ANKRD50: variants seen among roughly 807,000 people sequenced by gnomAD.
The protein encoded by ANKRD50 is ankyrin repeat domain-containing protein 50.
A neutral mutation model predicts 112.0 loss-of-function variants in ANKRD50; 40 were observed. That is an observed-to-expected ratio of 0.36 (90% CI 0.28 to 0.46). The LOEUF (loss-of-function observed/expected upper bound fraction) is 0.46. Among genes scored for constraint, ANKRD50 ranks in the 20% least tolerant of loss-of-function variants. The pLI, the probability that ANKRD50 is intolerant of heterozygous loss-of-function variation, is 1.00. For synonymous variants in ANKRD50, 613 were observed against 619.1 expected (o/e 0.99, Z 0.15); for missense variants, 1,487 against 1,701.7 (o/e 0.87, Z 2.22).
intron 2 of ANKRD50, among the ~76,000 whole-genome samples, chr4:124,688,785 T>A (rs1054736134): frequency 6.6e-6 from 1 of 152,176 alleles, no homozygotes; most frequent in Non-Finnish European, 1.5e-5. Context: ...AATCAAACTA[T>A]AGGATTCTGT....
In ANKRD50 at chr4:124,671,379, G is replaced by T. The variant is rs990430487; in HGVS notation, c.1898C>A (p.Ala633Asp). 2 of 1,613,698 alleles carry T rather than the reference G, an allele frequency of 1.2e-6. No individual in the cohort carries two copies. Among genetic ancestry groups the T allele is most frequent in the Non-Finnish European group, 1.7e-6 (2 of 1,179,858 alleles). The change falls in exon 4 of 5, where the codon GCT (alanine) becomes GAT (aspartate). Residue 633 changes from alanine to aspartate, a missense_variant. By Grantham distance (126) the Ala-to-Asp change is moderately radical (BLOSUM62 -2). Transcript: ENST00000504087. The part of the protein sequence containing the change: ...HTEVVSALLY[A>D]GVKVDCADAD... ...ATCTGCACAATCCACTTTTACGCCAGCATAAAGTAGTGCAGAAACTACCTC... is the reference window on the plus strand; with the variant it reads ...ATCTGCACAATCCACTTTTACGCCATCATAAAGTAGTGCAGAAACTACCTC...
In ANKRD50 at chr4:124,672,061, G is replaced by T; in HGVS notation, c.1216C>A (p.Leu406Met). The T allele has an allele frequency of 6.2e-7, 1 of 1,613,826 alleles. No homozygotes were observed. Among genetic ancestry groups the T allele is most frequent in the Non-Finnish European group, 8.5e-7 (1 of 1,179,854 alleles). ...LVDGLGNTKI[L>M]FHYSFAEWLL... ...CACTCGGCAAAACTATAATGAAACAGTATTTTTGTATTTCCTAGTCCATCA... is the reference window on the plus strand; with the variant it reads ...CACTCGGCAAAACTATAATGAAACATTATTTTTGTATTTCCTAGTCCATCA... The change falls in exon 4 of 5, where the codon CTG (leucine) becomes ATG (methionine). Residue 406 changes from leucine to methionine, a missense_variant. Transcript: ENST00000504087.
intron 2 of ANKRD50, among the ~76,000 whole-genome samples, chr4:124,688,964 A>G (rs1414273975): frequency 6.6e-6 from 1 of 152,140 alleles, no homozygotes; most frequent in Non-Finnish European, 1.5e-5. Flanking sequence ...AGATCAGCTC[A>G]AATATCACTA....
intron 2 of ANKRD50, among the ~76,000 whole-genome samples, chr4:124,683,384 G>T (rs142481484): frequency 6.6e-6 from 1 of 151,868 alleles, no homozygotes; most frequent in East Asian, 1.9e-4. Flanking sequence ...AATCTGTAAT[G>T]ATCAAATCAG....
chr4:124,704,810 C>T (rs1404082346), intron 2 of ANKRD50, among the ~76,000 whole-genome samples: 2 of 152,044 alleles, frequency 1.3e-5, no homozygotes, highest in Non-Finnish European at 2.9e-5. Context: ...ATAACTACAA[C>T]ACGGCTGGGC....
chr4:124,664,953 T>C lies in ANKRD50; in HGVS notation c.*2565A>G, dbSNP rs541065407. The C allele has an allele frequency of 1.3e-5, 2 of 151,920 alleles. No homozygotes were observed. The highest frequency in any genetic ancestry group is 2.9e-5 in the Non-Finnish European group (2 of 67,880). 9.4% of individuals were successfully genotyped at this position (151,920 alleles called of 1,614,324 possible). A position where few individuals can be genotyped will look rare whatever the true frequency, so the allele number is the denominator to read the frequency against. On this transcript the variant is annotated 3_prime_UTR_variant, in exon 5 of 5. Coordinates refer to ENST00000504087, the MANE Select transcript of ANKRD50 (RefSeq NM_020337.3). ...TTATAAACTCATGATATTTAGGGAA[T>C]AGACACAGACGGAATGTTATAAAAA...
At chr4:124,688,629 A>C (rs1427124006) in intron 2 of ANKRD50, among the ~76,000 whole-genome samples, 1 of 152,144 alleles carries the variant, frequency 6.6e-6, no homozygotes, top group African/African-American at 2.4e-5. Flanking sequence ...TATGTCCTCC[A>C]TATGTGCAAT....
At chr4:124,701,450 T>C (rs910093951) in intron 2 of ANKRD50, among the ~76,000 whole-genome samples, 2 of 152,234 alleles carry the variant, frequency 1.3e-5, no homozygotes, top group Non-Finnish European at 2.9e-5. Flanking sequence ...TTCTTCTTAA[T>C]ACTTAGCTTT....
In ANKRD50 at chr4:124,666,084, A is replaced by T. The variant is rs960143907; in HGVS notation, c.*1434T>A. 1.3e-5 allele frequency: 2 copies of T among 152,122 alleles called. No homozygotes were observed. Among genetic ancestry groups the T allele is most frequent in the African/African-American group, 4.8e-5 (2 of 41,416 alleles). The allele number at this position is 152,122 out of a possible 1,614,324, so 9.4% of individuals were successfully genotyped here. A position where few individuals can be genotyped will look rare whatever the true frequency, so the allele number is the denominator to read the frequency against. ...GAAAAGAACAGAATTTCTGGGTTCT[A>T]TAAGATTAACAGGCCCATTCTAAGA... is the stretch of plus-strand genomic sequence containing the variant. On this transcript the variant is annotated 3_prime_UTR_variant, in exon 5 of 5. Coordinates refer to ENST00000504087, the MANE Select transcript of ANKRD50 (RefSeq NM_020337.3).
In ANKRD50 at chr4:124,665,028, T is replaced by C. The variant is rs980543786; in HGVS notation, c.*2490A>G. On this transcript the variant is annotated 3_prime_UTR_variant, in exon 5 of 5. Coordinates refer to ENST00000504087, the MANE Select transcript of ANKRD50 (RefSeq NM_020337.3). ...TTGTGTAGTGGCAACAGCTGATTTA[T>C]AAAATTTAAAGATTTTAATTTCAAA... is the stretch of plus-strand genomic sequence containing the variant. 4 of 151,958 alleles carry C rather than the reference T, an allele frequency of 2.6e-5. No individual in the cohort carries two copies. Among genetic ancestry groups the C allele is most frequent in the African/African-American group, 9.7e-5 (4 of 41,428 alleles). 9.4% of individuals were successfully genotyped at this position (151,958 alleles called of 1,614,324 possible).
At chr4:124,675,782 C>A (rs1260322381) in intron 3 of ANKRD50, among the ~76,000 whole-genome samples, 3 of 151,686 alleles carry the variant, frequency 2.0e-5, no homozygotes, top group African/African-American at 4.8e-5. Flanking sequence ...GCTGCTATTT[C>A]TTTCAGTCCC....
At chr4:124,697,056 G>A (rs1001018364) in intron 2 of ANKRD50, among the ~76,000 whole-genome samples, 2 of 152,112 alleles carry the variant, frequency 1.3e-5, no homozygotes, top group Non-Finnish European at 2.9e-5. Flanking sequence ...GGATAAAGTT[G>A]CTATTTATTA....
At position 124,710,152 on chromosome 4, in the gene ANKRD50, A is replaced by T; in HGVS notation, c.360T>A (p.Thr120=). Reference sequence around the variant, plus strand: ...CTCTAATAAACCCTCCAACACACAAAGTATCAGAGTCCTGGGCTTTGCAGA... The same window carrying T: ...CTCTAATAAACCCTCCAACACACAATGTATCAGAGTCCTGGGCTTTGCAGA... ...FHFCKAQDSD[T]LCVGGFIRGL... is the part of the protein sequence containing the mutation. Residue 120 remains threonine, a synonymous_variant, in exon 2 of 5, where the codon ACT becomes ACA. Transcript: ENST00000504087. 6.2e-7 allele frequency: 1 copy of T among 1,614,146 alleles called. No homozygotes were observed. The highest frequency in any genetic ancestry group is 1.1e-5 in the South Asian group (1 of 91,082).
chr4:124,669,025 C>T lies in ANKRD50; in HGVS notation c.4252G>A (p.Asp1418Asn), dbSNP rs770805064. 1 of 1,611,924 alleles carries T rather than the reference C, an allele frequency of 6.2e-7. No individual in the cohort carries two copies. The highest frequency in any genetic ancestry group is 1.1e-5 in the South Asian group (1 of 90,508). The change falls in exon 4 of 5, where the codon GAC (aspartate) becomes AAC (asparagine). Residue 1418 changes from aspartate (D) to asparagine (N), a missense_variant. This residue lies in a region of ANKRD50 where 441 missense variants were observed against 432.2 expected (regional missense o/e 1.02). Transcript: ENST00000504087. Reference sequence around the variant, plus strand: ...TCCTTTTTATAGTTGAAGCTAGGGTCAGAACCTTCAATCTGAAGCTTCAGA... The same window carrying T: ...TCCTTTTTATAGTTGAAGCTAGGGTTAGAACCTTCAATCTGAAGCTTCAGA... ...QALKLQIEGSDPSFNYKKETP... is the reference protein window; with the variant it reads ...QALKLQIEGSNPSFNYKKETP...
In ANKRD50 at chr4:124,710,649, T is replaced by C. The variant is rs1206853137; in HGVS notation, c.-138A>G. The stretch of plus-strand genomic sequence containing the variant: ...ACAGTAAAATTCAACAGCCACAGAG[T>C]TCCTCTGTCAACAGAACGTGCATGA... On this transcript the variant is annotated 5_prime_UTR_variant, in exon 2 of 5. Transcript: ENST00000504087. 2.0e-6 allele frequency: 2 copies of C among 1,016,154 alleles called. No individual in the cohort carries two copies. Among genetic ancestry groups the C allele is most frequent in the Non-Finnish European group, 2.9e-6 (2 of 694,450 alleles). The allele number at this position is 1,016,154 out of a possible 1,614,324, so 62.9% of individuals were successfully genotyped here.
chr4:124,671,269 C>T lies in ANKRD50; in HGVS notation c.2008G>A (p.Val670Met). The stretch of plus-strand genomic sequence containing the variant: ...CTACCTTCATTATCAGCTTTGTTCA[C>T]TTCAGCGCCATGTTGTAGCAAATTC... Reference protein sequence around the residue: ...VLNLLQHGAEVNKADNEGRTA... With the variant: ...VLNLLQHGAEMNKADNEGRTA... The change falls in exon 4 of 5, where the codon GTG (valine) becomes ATG (methionine). Residue 670 changes from valine to methionine, a missense_variant. Physicochemically the swap from Val to Met is conservative, Grantham distance 21 (BLOSUM62 1). Transcript: ENST00000504087. 1 of 1,613,844 alleles carries T rather than the reference C, an allele frequency of 6.2e-7. No homozygotes were observed. The highest frequency in any genetic ancestry group is 8.5e-7 in the Non-Finnish European group (1 of 1,179,818).
At position 124,679,565 on chromosome 4, in the gene ANKRD50, T is replaced by TACAAC. The variant is rs375244621; in HGVS notation, c.513-665_513-661dup. On this transcript the variant is annotated intron_variant, in intron 2 of 4. Transcript: ENST00000504087. ...CAGTTGAATATAACTTTTTCATAAATACAACACGCTCATTCATTTTCAACA... is the reference window on the plus strand; with the variant it reads ...CAGTTGAATATAACTTTTTCATAAATACAACACAACACGCTCATTCATTTTCAACA... Among the ~76,000 whole-genome samples, 447 of 152,300 alleles carry TACAAC rather than the reference T, an allele frequency of 2.9e-3. 1 individual carries two copies. Among genetic ancestry groups the TACAAC allele is most frequent in the African/African-American group, 0.01 (423 of 41,574 alleles).
intron 2 of ANKRD50, among the ~76,000 whole-genome samples, chr4:124,688,311 T>C (rs987804515): frequency 1.3e-5 from 2 of 152,114 alleles, no homozygotes; most frequent in Admixed American, 6.6e-5. Context: ...ATGGAAAAAG[T>C]AAAACTATTG....
chr4:124,695,006 TGTATAG>T (rs1725220634), intron 2 of ANKRD50, among the ~76,000 whole-genome samples: 1 of 151,766 alleles, frequency 6.6e-6, no homozygotes, highest in East Asian at 1.9e-4. Flanking sequence ...TAAAAGAAAA[TGTATAG>T]GTATAAAGTT....
Sources: allele counts gnomAD v4.1 joint callset (sites outside exome capture counted in the v4.1 genomes callset), GRCh38; gene constraint gnomAD v4.1.1; regional missense constraint gnomAD v4.1.1; transcripts MANE v1.5; gene names NCBI Gene and HGNC (gene_info 2026-07-23, HGNC 2026-07-21).